Variants in SOX5 observed in about 807,000 individuals in gnomAD.
SOX5 encodes transcription factor SOX-5.
Under a neutral mutation model 92.0 loss-of-function variants are expected in SOX5, and 9 were observed. The ratio of observed to expected loss-of-function variants is 0.10; its 90% CI spans 0.06 to 0.17. The LOEUF (loss-of-function observed/expected upper bound fraction) is 0.17, where lower values mean the gene tolerates loss of function less well. Ranked by LOEUF, SOX5 falls within the 10% of genes least tolerant of loss-of-function variation. SOX5 has a pLI of 1.00. For synonymous variants in SOX5, 344 were observed against 336.3 expected (o/e 1.02, Z -0.25); for missense variants, 642 against 944.5 (o/e 0.68, Z 4.20).
chr12:24,359,044 C>A (rs771607045), intron 2 of SOX5, among the ~76,000 whole-genome samples: 1 of 152,112 alleles, frequency 6.6e-6, no homozygotes, highest in Non-Finnish European at 1.5e-5. Context: ...TGCTTTGAAC[C>A]CCAGAAACAT....
At chr12:24,095,401 T>C (rs888775468) in intron 4 of SOX5, among the ~76,000 whole-genome samples, 3 of 150,688 alleles carry the variant, frequency 2.0e-5, no homozygotes, top group Admixed American at 6.7e-5. Flanking sequence ...GGAAGTTTCA[T>C]TGCCTGCTTG....
chr12:24,487,436 G>T (rs1946630115), intron 1 of SOX5, among the ~76,000 whole-genome samples: 1 of 151,960 alleles, frequency 6.6e-6, no homozygotes, highest in Non-Finnish European at 1.5e-5. Flanking sequence ...AAAACCAAAA[G>T]GTAAATATCA....
chr12:24,415,879 G>T (rs1964930560), intron 1 of SOX5, among the ~76,000 whole-genome samples: 1 of 152,226 alleles, frequency 6.6e-6, no homozygotes, highest in African/African-American at 2.4e-5. Context: ...AGCAGAGAAA[G>T]AAGTAAAATG....
intron 6 of SOX5, 50 bp from the exon 7 acceptor site, chr12:23,665,614 T>C (rs776596473): frequency 7.1e-6 from 11 of 1,553,830 alleles, no homozygotes; most frequent in Middle Eastern, 1.7e-4. Context: ...CGATGCTCCA[T>C]GCTTCTTCCC....
intron 4 of SOX5, among the ~76,000 whole-genome samples, chr12:23,993,904 T>C (rs533994275): frequency 0.019 from 2,856 of 149,386 alleles, 36 homozygotes; most frequent in East Asian, 0.03. Context: ...TGTATGTATG[T>C]ATGTATGTAT....
chr12:23,979,698 GTTTTTTTTGTTTTTTTTTTTTTTT>G (rs1402788017), intron 4 of SOX5, among the ~76,000 whole-genome samples: 3 of 64,692 alleles, frequency 4.6e-5, no homozygotes, highest in African/African-American at 1.1e-4. Context: ...ATATATATAT[GTTTTTTTTGTTTTTTTTTTTTTTT>G]TTTTTTTTTT....
chr12:24,482,605 A>G (rs1156561619), intron 1 of SOX5, among the ~76,000 whole-genome samples: 1 of 152,222 alleles, frequency 6.6e-6, no homozygotes, highest in African/African-American at 2.4e-5. Context: ...TTCTACAAAT[A>G]GTATATTTAT....
chr12:24,358,042 G>A (rs1402425734), intron 2 of SOX5, among the ~76,000 whole-genome samples: 1 of 152,050 alleles, frequency 6.6e-6, no homozygotes, highest in Non-Finnish European at 1.5e-5. Context: ...TTCAAGACTG[G>A]CACAGTGTGT....
At position 24,171,723 on chromosome 12, in the gene SOX5, TGCAGTG is replaced by T. The variant is rs1244636562; in HGVS notation, c.-2+41614_-2+41619del. ...ATAAAGAAGGGACCCTTTGGCCAGG[TGCAGTG>T]GCTCATGCCTGTAATCTCAGCACAT... On this transcript the variant is annotated intron_variant, in intron 4 of 4. Coordinates refer to the SOX5 transcript ENST00000446891. Among the ~76,000 whole-genome samples the T allele has an allele frequency of 2.0e-5, 3 of 151,966 alleles. No homozygotes were observed. The East Asian group carries it at 5.8e-4, about 30-fold the overall frequency.
chr12:23,793,873 G>T lies in SOX5; in HGVS notation c.482-38149C>A, dbSNP rs866382932. ...TCTGTATTTTCAAGACACTGAGAAT[G>T]CATTCCTTCTTAAATTTTGTCACCT... On this transcript the variant is annotated intron_variant, in intron 3 of 14. Coordinates refer to ENST00000451604, the MANE Select transcript of SOX5 (RefSeq NM_006940.6). Among the ~76,000 whole-genome samples the T allele has an allele frequency of 3.3e-5, 5 of 152,144 alleles. No individual in the cohort carries two copies. The South Asian group carries it at 6.2e-4, about 19-fold the overall frequency.
At chr12:24,245,249 G>C (rs1432767170) in intron 3 of SOX5, among the ~76,000 whole-genome samples, 1 of 151,080 alleles carries the variant, frequency 6.6e-6, no homozygotes, top group African/African-American at 2.4e-5. Flanking sequence ...GTGTGTGTGT[G>C]TGTGTGTGTG....
intron 2 of SOX5, among the ~76,000 whole-genome samples, chr12:24,291,691 G>A (rs1164868048): frequency 6.6e-6 from 1 of 152,184 alleles, no homozygotes; most frequent in African/African-American, 2.4e-5. Flanking sequence ...TTCTAATACA[G>A]TATGGCTCAG....
chr12:24,128,869 A>G (rs1318847762), intron 4 of SOX5, among the ~76,000 whole-genome samples: 1 of 152,138 alleles, frequency 6.6e-6, no homozygotes, highest in African/African-American at 2.4e-5. Flanking sequence ...AGAGTAGGCA[A>G]AGTGGCCAGG....
At chr12:23,727,944 A>G (rs1482209854) in intron 6 of SOX5, among the ~76,000 whole-genome samples, 1 of 152,164 alleles carries the variant, frequency 6.6e-6, no homozygotes, top group East Asian at 1.9e-4. Flanking sequence ...ATGTCTGTCT[A>G]CAGAGACAGG....
At chr12:24,515,755 C>T (rs1423426555) in intron 1 of SOX5, among the ~76,000 whole-genome samples, 5 of 152,146 alleles carry the variant, frequency 3.3e-5, no homozygotes, top group Non-Finnish European at 7.4e-5. Context: ...TGTCTATATA[C>T]ATTTCCCCGA....
intron 4 of SOX5, among the ~76,000 whole-genome samples, chr12:24,160,487 G>T (rs1952642860): frequency 6.6e-6 from 1 of 151,734 alleles, no homozygotes; most frequent in Non-Finnish European, 1.5e-5. Flanking sequence ...TGAAGTGACA[G>T]AATCAACTTT....
chr12:24,114,026 T>G (rs1178123385), intron 4 of SOX5, among the ~76,000 whole-genome samples: 2 of 152,178 alleles, frequency 1.3e-5, no homozygotes, highest in African/African-American at 4.8e-5. Flanking sequence ...ACCTCTCTAT[T>G]TTGAAGGACT....
chr12:24,352,523 T>C (rs1429604189), intron 2 of SOX5, among the ~76,000 whole-genome samples: 1 of 152,168 alleles, frequency 6.6e-6, no homozygotes, highest in Non-Finnish European at 1.5e-5. Flanking sequence ...GTGAGAGCCA[T>C]GCTGTAAAAA....
chr12:23,650,698 C>G (rs1481159476), intron 7 of SOX5, among the ~76,000 whole-genome samples: 2 of 152,086 alleles, frequency 1.3e-5, no homozygotes, highest in East Asian at 3.9e-4. Flanking sequence ...TTCATTACCC[C>G]CAGTGTTTCT....
Sources: gnomAD v4.1 joint callset for allele counts (sites outside exome capture counted in the v4.1 genomes callset) on GRCh38, gnomAD v4.1.1 for gene constraint, MANE v1.5 for transcripts, NCBI Gene and HGNC (gene_info 2026-07-23, HGNC 2026-07-21) for gene names.